TRPC6: variants seen among roughly 807,000 people sequenced by gnomAD.
TRPC6 encodes transient receptor potential cation channel subfamily C member 6.
TRPC6 carries 55 observed loss-of-function variants against 90.7 expected under a neutral mutation model. The ratio of observed to expected loss-of-function variants is 0.61; its 90% CI spans 0.49 to 0.76. TRPC6 has a LOEUF of 0.76. TRPC6 is among the 30% of genes least tolerant of loss of function. The pLI is 0.00. For synonymous variants in TRPC6, 393 were observed against 393.0 expected (o/e 1.00, Z 0.00); for missense variants, 989 against 1,122.7 (o/e 0.88, Z 1.70).
chr11:101,513,505 C>T (rs1329825375), intron 1 of TRPC6, among the ~76,000 whole-genome samples: 1 of 152,026 alleles, frequency 6.6e-6, no homozygotes, highest in Non-Finnish European at 1.5e-5. Flanking sequence ...AAAAAACCTA[C>T]TGAAATAATT....
chr11:101,537,138 T>C (rs10895131), intron 1 of TRPC6, among the ~76,000 whole-genome samples: 15,934 of 152,254 alleles, frequency 0.1, 1,022 homozygotes, highest in Admixed American at 0.17. Context: ...AACCGCACTT[T>C]GTTTAGAAAA....
At chr11:101,476,603 ATGTTTG>A (rs1859423376) in intron 5 of TRPC6, 69 bp from the exon 6 acceptor site, 1 of 1,419,194 alleles carries the variant, frequency 7.0e-7, no homozygotes, top group Non-Finnish European at 9.9e-7. Flanking sequence ...AAAACAAAAT[ATGTTTG>A]AAAGGTCTCA....
chr11:101,565,024 G>C (rs772571820), intron 1 of TRPC6, among the ~76,000 whole-genome samples: 22 of 151,914 alleles, frequency 1.4e-4, no homozygotes, highest in Non-Finnish European at 3.2e-4. Context: ...ACACACAAAA[G>C]AATTAAATTG....
intron 8 of TRPC6, among the ~76,000 whole-genome samples, chr11:101,471,932 A>C (rs960874802): frequency 6.6e-6 from 1 of 152,328 alleles, no homozygotes; most frequent in African/African-American, 2.4e-5. Flanking sequence ...CTTATGCCTT[A>C]CGTCTCTGCC....
intron 1 of TRPC6, among the ~76,000 whole-genome samples, chr11:101,553,166 C>G (rs1861485916): frequency 6.6e-6 from 1 of 152,146 alleles, no homozygotes; most frequent in Middle Eastern, 3.4e-3. Context: ...GATTCAAGAT[C>G]GTGAACCTGA....
chr11:101,577,341 T>C (rs1862091836), intron 1 of TRPC6, among the ~76,000 whole-genome samples: 1 of 152,218 alleles, frequency 6.6e-6, no homozygotes, highest in African/African-American at 2.4e-5. Flanking sequence ...AAATCAGCCC[T>C]TTAATTTTAT....
chr11:101,583,319 G>C lies in TRPC6; in HGVS notation c.170+15C>G. On this transcript the variant is annotated intron_variant, in intron 1 of 12. Transcript: ENST00000344327. ...GCAGCCCGCGCCCGATCCGCCCCGC[G>C]TCGCCGGCACTCACAAGCAGGGGTA... 1 of 1,569,750 alleles carries C rather than the reference G, an allele frequency of 6.4e-7. No individual in the cohort carries two copies. Among genetic ancestry groups the C allele is most frequent in the South Asian group, 1.2e-5 (1 of 86,376 alleles).
At chr11:101,457,816 A>G (rs1858919427) in intron 10 of TRPC6, among the ~76,000 whole-genome samples, 1 of 152,184 alleles carries the variant, frequency 6.6e-6, no homozygotes, top group Non-Finnish European at 1.5e-5. Context: ...GGTATAGAGA[A>G]TATATAGTTT....
intron 1 of TRPC6, among the ~76,000 whole-genome samples, chr11:101,582,692 A>G (rs1317583169): frequency 6.6e-6 from 1 of 151,920 alleles, no homozygotes; most frequent in Non-Finnish European, 1.5e-5. Context: ...GTCTCCCCAG[A>G]CGCCCCGGGT....
intron 10 of TRPC6, among the ~76,000 whole-genome samples, chr11:101,464,751 C>T (rs996125368): frequency 6.6e-6 from 1 of 152,106 alleles, no homozygotes; most frequent in Non-Finnish European, 1.5e-5. Flanking sequence ...AGCCAATATG[C>T]CAGTCTGTGT....
intron 1 of TRPC6, among the ~76,000 whole-genome samples, chr11:101,544,881 A>AAAAG (rs1307348555): frequency 6.6e-6 from 1 of 151,996 alleles, no homozygotes; most frequent in Non-Finnish European, 1.5e-5. Flanking sequence ...AGTATAATTA[A>AAAAG]AAAAAATGTT....
At chr11:101,562,808 C>T (rs574617437) in intron 1 of TRPC6, among the ~76,000 whole-genome samples, 3 of 152,238 alleles carry the variant, frequency 2.0e-5, no homozygotes, top group East Asian at 1.9e-4. Context: ...CTCAGCTCTC[C>T]GAATTACCTA....
chr11:101,547,499 T>C (rs933007071), intron 1 of TRPC6, among the ~76,000 whole-genome samples: 15 of 150,766 alleles, frequency 9.9e-5, no homozygotes, highest in African/African-American at 3.6e-4. Context: ...CAAAACCTTC[T>C]TGGTTCAAAC....
intron 9 of TRPC6, among the ~76,000 whole-genome samples, chr11:101,470,445 C>T (rs532511027): frequency 6.6e-6 from 1 of 152,254 alleles, no homozygotes; most frequent in African/African-American, 2.4e-5. Context: ...TTCTGGTCCT[C>T]CTCCTCTGGA....
At chr11:101,487,803 A>G (rs1285496943) in intron 4 of TRPC6, among the ~76,000 whole-genome samples, 1 of 152,142 alleles carries the variant, frequency 6.6e-6, no homozygotes, top group Non-Finnish European at 1.5e-5. Flanking sequence ...TTTTACTCTC[A>G]TAAGAAAATG....
intron 5 of TRPC6, among the ~76,000 whole-genome samples, chr11:101,479,741 T>C (rs1859501553): frequency 6.6e-6 from 1 of 152,122 alleles, no homozygotes; most frequent in Non-Finnish European, 1.5e-5. Context: ...AAATAAACAG[T>C]GTTAGCTAGT....
chr11:101,455,878 T>G (rs114328878), intron 10 of TRPC6, among the ~76,000 whole-genome samples: 1,726 of 152,198 alleles, frequency 0.011, 51 homozygotes, highest in African/African-American at 0.039. Flanking sequence ...GTCCTCAAAA[T>G]GTAAGGTGCT....
chr11:101,489,197 A>C, intron 3 of TRPC6, 96 bp from the exon 4 acceptor site: 1 of 1,149,084 alleles, frequency 8.7e-7, no homozygotes, highest in Non-Finnish European at 1.3e-6. Context: ...TTTCCAATGA[A>C]ATACATTGTT....
chr11:101,530,371 C>CA (rs1449544856), intron 1 of TRPC6, among the ~76,000 whole-genome samples: 2 of 152,128 alleles, frequency 1.3e-5, no homozygotes, highest in East Asian at 3.9e-4. Context: ...CAGTGCCCTT[C>CA]AATTGTGATC....
Sources: gnomAD v4.1 joint callset for allele counts (sites outside exome capture counted in the v4.1 genomes callset) on GRCh38, gnomAD v4.1.1 for gene constraint, MANE v1.5 for transcripts, NCBI Gene and HGNC (gene_info 2026-07-23, HGNC 2026-07-21) for gene names.